FSTL5: variants seen among roughly 807,000 people sequenced by gnomAD.
FSTL5 encodes follistatin-related protein 5.
In FSTL5, 62 loss-of-function variants were observed where a neutral mutation model predicts 89.1. That is an observed-to-expected ratio of 0.70 (90% CI 0.57 to 0.86). The LOEUF is 0.86. Ranked by LOEUF, FSTL5 falls within the 40% of genes least tolerant of loss-of-function variation. The probability of loss-of-function intolerance (pLI) is 0.00; values close to 1 mark genes in which losing one functional copy is unlikely to be tolerated. For synonymous variants in FSTL5, 383 were observed against 346.2 expected (o/e 1.11, Z -1.18); for missense variants, 1,057 against 1,001.6 (o/e 1.06, Z -0.75).
At chr4:161,456,131 T>G (rs1044653201) in intron 14 of FSTL5, among the ~76,000 whole-genome samples, 1 of 152,180 alleles carries the variant, frequency 6.6e-6, no homozygotes, top group Non-Finnish European at 1.5e-5. Context: ...AATGGAAGGC[T>G]TCTATTTCAA....
intron 2 of FSTL5, chr4:162,035,089 A>T (rs1737679414): frequency 6.6e-6 from 1 of 152,112 alleles, no homozygotes; most frequent in South Asian, 2.1e-4. Flanking sequence ...GACATTTGTT[A>T]ATGAGAATCT....
At chr4:162,058,229 A>G (rs890615817) in intron 2 of FSTL5, among the ~76,000 whole-genome samples, 1 of 151,982 alleles carries the variant, frequency 6.6e-6, no homozygotes, top group Non-Finnish European at 1.5e-5. Context: ...AGTGATGAGG[A>G]AGCAAATTCA....
At chr4:162,120,921 T>G (rs2111432250) in intron 1 of FSTL5, among the ~76,000 whole-genome samples, 1 of 152,120 alleles carries the variant, frequency 6.6e-6, no homozygotes, top group Admixed American at 6.5e-5. Context: ...GACATCATAG[T>G]AACCATCTTT....
At chr4:161,929,947 G>T (rs1289652845) in intron 3 of FSTL5, among the ~76,000 whole-genome samples, 1 of 151,564 alleles carries the variant, frequency 6.6e-6, no homozygotes. Context: ...TGTGTGGCTG[G>T]TTATTTTTAC....
In FSTL5 at chr4:161,538,248, T is replaced by A. The variant is rs1731700483; in HGVS notation, c.1230A>T (p.Ala410=). 1.2e-6 allele frequency: 2 copies of A among 1,613,924 alleles called. No individual in the cohort carries two copies. Among genetic ancestry groups the A allele is most frequent in the African/African-American group, 2.7e-5 (2 of 74,920 alleles). Reference sequence around the variant, plus strand: ...CTTCATTCTTTGCGATACAAGTGTATGCTCCAGTATCTTCATAGCGCACAT... The same window carrying A: ...CTTCATTCTTTGCGATACAAGTGTAAGCTCCAGTATCTTCATAGCGCACAT... ...ISNVRYEDTG[A]YTCIAKNEAG... is the part of the protein sequence containing the mutation. Residue 410 remains alanine (A), a synonymous_variant, in exon 10 of 16, where the codon GCA becomes GCT. Transcript: ENST00000306100.
At chr4:161,638,615 A>T (rs1735823632) in intron 7 of FSTL5, among the ~76,000 whole-genome samples, 1 of 147,390 alleles carries the variant, frequency 6.8e-6, no homozygotes, top group South Asian at 2.2e-4. Context: ...TCCAATCAAT[A>T]GAAAAAGAGG....
At chr4:162,034,340 A>G (rs1578969127) in intron 2 of FSTL5, among the ~76,000 whole-genome samples, 1 of 152,166 alleles carries the variant, frequency 6.6e-6, no homozygotes, top group South Asian at 2.1e-4. Flanking sequence ...TGGTGAAGGA[A>G]TAAGTTTAGG....
chr4:161,936,965 A>T (rs1291390709), intron 3 of FSTL5, among the ~76,000 whole-genome samples: 1 of 152,108 alleles, frequency 6.6e-6, no homozygotes, highest in Non-Finnish European at 1.5e-5. Context: ...ATGGTTGAAA[A>T]ACCTTACTCA....
chr4:161,720,917 G>A lies in FSTL5; in HGVS notation c.727+38494C>T, dbSNP rs546152883. 5.9e-5 allele frequency among the ~76,000 whole-genome samples: 9 copies of A among 152,276 alleles called. No homozygotes were observed. The South Asian group carries it at 1.9e-3, about 32-fold the overall frequency. On this transcript the variant is annotated intron_variant, in intron 6 of 15. Coordinates refer to ENST00000306100, the MANE Select transcript of FSTL5 (RefSeq NM_020116.5). ...AGGGTACAGCATTTAAGTTGTACAA[G>A]ATGAGTAAGTCCTGGAGATGTACTG...
intron 3 of FSTL5, among the ~76,000 whole-genome samples, chr4:162,030,412 A>G (rs903125938): frequency 1.2e-4 from 19 of 152,182 alleles, no homozygotes; most frequent in Non-Finnish European, 2.9e-5. Context: ...TCATTAGGGA[A>G]ATAACTTTAG....
chr4:161,941,128 G>T (rs1391097331), intron 3 of FSTL5, among the ~76,000 whole-genome samples: 2 of 151,802 alleles, frequency 1.3e-5, no homozygotes, highest in East Asian at 1.9e-4. Context: ...TTTTAAAACT[G>T]GGGGAAGCAC....
chr4:161,538,771 A>G lies in FSTL5; in HGVS notation c.1178-471T>C, dbSNP rs190853769. Among the ~76,000 whole-genome samples the G allele has an allele frequency of 7.9e-3, 1,205 of 151,924 alleles. 20 individuals are homozygous for G. The highest frequency in any genetic ancestry group is 0.028 in the African/African-American group (1,164 of 41,474). ...ATTGCCATTCATCAAACTTATTATT[A>G]TTTTTATTGTGAGACAGAATCTCAT... On this transcript the variant is annotated intron_variant, in intron 9 of 15. Coordinates refer to ENST00000306100, the MANE Select transcript of FSTL5 (RefSeq NM_020116.5).
At chr4:161,856,507 C>G (rs1021445849) in intron 4 of FSTL5, among the ~76,000 whole-genome samples, 24 of 152,016 alleles carry the variant, frequency 1.6e-4, no homozygotes, top group African/African-American at 5.5e-4. Flanking sequence ...ATTTATTGGG[C>G]ATGTATTTTG....
intron 6 of FSTL5, among the ~76,000 whole-genome samples, chr4:161,734,244 G>A (rs1435932968): frequency 6.6e-6 from 1 of 152,064 alleles, no homozygotes; most frequent in African/African-American, 2.4e-5. Flanking sequence ...AAATTTAGAT[G>A]CCAAAAATGT....
In FSTL5 at chr4:161,712,573, ATGT is replaced by A. The variant is rs1738826828; in HGVS notation, c.727+46835_727+46837del. ...ATATTGATATTTAAACACTTGGAAA[ATGT>A]TGTTTTCAAATGATACATGGTTGCT... is the stretch of plus-strand genomic sequence containing the variant. On this transcript the variant is annotated intron_variant, in intron 6 of 15. Coordinates refer to ENST00000306100, the MANE Select transcript of FSTL5 (RefSeq NM_020116.5). 3.9e-5 allele frequency among the ~76,000 whole-genome samples: 6 copies of A among 152,294 alleles called. No individual in the cohort carries two copies. The Middle Eastern group carries it at 0.014, about 345-fold the overall frequency.
intron 3 of FSTL5, among the ~76,000 whole-genome samples, chr4:161,958,446 T>C (rs892619297): frequency 6.6e-6 from 1 of 152,120 alleles, no homozygotes; most frequent in Admixed American, 6.6e-5. Context: ...TTTGTGTACT[T>C]CTATAAATAT....
intron 4 of FSTL5, among the ~76,000 whole-genome samples, chr4:161,781,829 T>C (rs958597382): frequency 6.6e-6 from 1 of 152,168 alleles, no homozygotes; most frequent in African/African-American, 2.4e-5. Context: ...ATAATGACAT[T>C]TATCTACCAT....
chr4:161,793,906 G>T (rs1161308514), intron 4 of FSTL5, among the ~76,000 whole-genome samples: 1 of 152,222 alleles, frequency 6.6e-6, no homozygotes, highest in African/African-American at 2.4e-5. Context: ...ACTGTGCCTG[G>T]CCAAGAAACC....
At chr4:162,019,812 T>C (rs1365668571) in intron 3 of FSTL5, among the ~76,000 whole-genome samples, 1 of 150,936 alleles carries the variant, frequency 6.6e-6, no homozygotes, top group East Asian at 1.9e-4. Flanking sequence ...TATGATATGG[T>C]TTTCAAAAGA....
Sources: gnomAD v4.1 joint callset for allele counts (sites outside exome capture counted in the v4.1 genomes callset) on GRCh38, gnomAD v4.1.1 for gene constraint, MANE v1.5 for transcripts, NCBI Gene and HGNC (gene_info 2026-07-23, HGNC 2026-07-21) for gene names.